Variants in EDC3 observed in about 807,000 individuals in gnomAD.
EDC3 encodes the protein enhancer of mRNA decapping 3, also known as enhancer of mRNA-decapping protein 3.
EDC3 carries 20 observed loss-of-function variants against 41.8 expected under a neutral mutation model. The observed-to-expected ratio is 0.48, with a 90% CI of 0.34 to 0.70. EDC3 has a LOEUF of 0.70. Among genes scored for constraint, EDC3 ranks in the 30% least tolerant of loss-of-function variants. EDC3 has a pLI of 0.01. For synonymous variants in EDC3, 206 were observed against 243.2 expected, an observed-to-expected ratio of 0.85 and a Z score of 1.42; for missense variants, 444 against 636.8, an observed-to-expected ratio of 0.70 and a Z score of 3.26.
At chr15:74,641,904 C>T (rs2062356675) in intron 4 of EDC3, 1 of 152,640 alleles carries the variant, frequency 6.6e-6, no homozygotes, top group Non-Finnish European at 1.5e-5. Context: ...TCTGGTCTGG[C>T]CTAACTCTAA....
Position 74,630,583 on chromosome 15 carries a change from AGT to A in EDC3, c.*2027_*2028del, listed in dbSNP as rs1265692404. 1 of 152,234 alleles carries A rather than the reference AGT, an allele frequency of 6.6e-6. No individual in the cohort carries two copies. Among genetic ancestry groups the A allele is most frequent in the Non-Finnish European group, 1.5e-5 (1 of 68,072 alleles). The allele number at this position is 152,234 out of a possible 1,614,324, so 9.4% of individuals were successfully genotyped here. A position where few individuals can be genotyped will look rare whatever the true frequency, so the allele number is the denominator to read the frequency against. On this transcript the variant is annotated 3_prime_UTR_variant, in exon 7 of 7. Coordinates refer to ENST00000315127, the MANE Select transcript of EDC3 (RefSeq NM_025083.5). Reference sequence around the variant, plus strand: ...TCAGTCAGTCATTCAGCTTTATTTCAGTGCTGGTTTTTGGTTCCCTAAGAGCT... The same window carrying A: ...TCAGTCAGTCATTCAGCTTTATTTCAGCTGGTTTTTGGTTCCCTAAGAGCT...
In EDC3 at chr15:74,648,672, C is replaced by T. The variant is rs189243203; in HGVS notation, c.820+7061G>A. ...AAGGAAATAAATAGGAACTCTAGTT[C>T]GGGTCATCCTCACACACTTCCTGTT... On this transcript the variant is annotated intron_variant, in intron 4 of 6. Transcript: ENST00000315127. Among the ~76,000 whole-genome samples, 4 of 152,286 alleles carry T rather than the reference C, an allele frequency of 2.6e-5. No homozygotes were observed. The East Asian group carries it at 5.8e-4, about 22-fold the overall frequency.
At position 74,640,446 on chromosome 15, in the gene EDC3, G is replaced by A. The variant is rs2062335551; in HGVS notation, c.974+20C>T. 6.2e-7 allele frequency: 1 copy of A among 1,612,344 alleles called. No individual in the cohort carries two copies. Among genetic ancestry groups the A allele is most frequent in the Admixed American group, 1.7e-5 (1 of 59,800 alleles). ...CATCCTTACTCCACATTGAGTCCCTGCCAGTTTATAGACATTTACCTGTTA... is the reference window on the plus strand; with the variant it reads ...CATCCTTACTCCACATTGAGTCCCTACCAGTTTATAGACATTTACCTGTTA... On this transcript the variant is annotated intron_variant, in intron 5 of 6. Transcript: ENST00000315127.
intron 4 of EDC3, chr15:74,643,661 T>G (rs557528433): frequency 2.5e-4 from 38 of 152,448 alleles, no homozygotes; most frequent in African/African-American, 8.7e-4. Context: ...CCCTCCCTTA[T>G]GGACACATAT....
At chr15:74,656,354 A>C (rs1229817562) in intron 3 of EDC3, among the ~76,000 whole-genome samples, 1 of 151,510 alleles carries the variant, frequency 6.6e-6, no homozygotes, top group Non-Finnish European at 1.5e-5. Context: ...GCAGTGAGTG[A>C]TGATCACGAC....
At chr15:74,658,922 G>A (rs1375906585) in intron 3 of EDC3, among the ~76,000 whole-genome samples, 4 of 151,930 alleles carry the variant, frequency 2.6e-5, no homozygotes, top group Non-Finnish European at 5.9e-5. Context: ...CTGGGTGACA[G>A]AGTGAGACTC....
At chr15:74,635,157 G>A (rs2062255772) in intron 6 of EDC3, 1 of 678,212 alleles carries the variant, frequency 1.5e-6, no homozygotes, top group Admixed American at 2.0e-5. Flanking sequence ...CCTAGCATCA[G>A]GAAGAGTGCC....
chr15:74,671,722 T>C lies in EDC3; in HGVS notation c.217A>G (p.Asn73Asp). Reference protein sequence around the residue: ...KILEIPGPGDNQHFGDLHQTE... With the variant: ...KILEIPGPGDDQHFGDLHQTE... ...TGATGAAGGTCTCCAAAATGTTGGT[T>C]GTCTCCAGGTCCTGGTATCTCCAGA... is the stretch of plus-strand genomic sequence containing the variant. The change falls in exon 3 of 7, where the codon AAC becomes GAC. Residue 73 changes from asparagine (N) to aspartate (D), a missense_variant. This residue lies in a region of EDC3 where 200 missense variants were observed against 244.0 expected (regional missense o/e 0.82). Coordinates refer to ENST00000315127, the MANE Select transcript of EDC3 (RefSeq NM_025083.5). The surrounding 1 kb of genome is among the most constrained non-coding windows in gnomAD (Gnocchi z 4.6). 1.2e-6 allele frequency: 2 copies of C among 1,614,206 alleles called. No individual in the cohort carries two copies. The highest frequency in any genetic ancestry group is 1.1e-5 in the South Asian group (1 of 91,088).
chr15:74,655,139 A>G (rs2062530363), intron 4 of EDC3, among the ~76,000 whole-genome samples: 1 of 152,264 alleles, frequency 6.6e-6, no homozygotes, highest in Admixed American at 6.5e-5. Context: ...TAATGCTAAA[A>G]AAAGAAACAA....
At chr15:74,673,621 G>C (rs745666439) in intron 2 of EDC3, among the ~76,000 whole-genome samples, 2 of 152,096 alleles carry the variant, frequency 1.3e-5, no homozygotes, top group Non-Finnish European at 2.9e-5. Context: ...CAGATTACAA[G>C]GTCAGGAGAT....
In EDC3 at chr15:74,632,521, C is replaced by T. The variant is rs925775571; in HGVS notation, c.*91G>A. ...AGAAACAAACCCAAAAGAGAAAAAA[C>T]TTTAACAAGGTCCATGAAGCTTCAT... On this transcript the variant is annotated 3_prime_UTR_variant, in exon 7 of 7. Transcript: ENST00000315127. The surrounding 1 kb of genome is among the most constrained non-coding windows in gnomAD (Gnocchi z 4.0). The T allele has an allele frequency of 6.9e-7, 1 of 1,445,930 alleles. No individual in the cohort carries two copies. The highest frequency in any genetic ancestry group is 9.3e-7 in the Non-Finnish European group (1 of 1,070,862). 89.6% of individuals were successfully genotyped at this position (1,445,930 alleles called of 1,614,324 possible). A position where few individuals can be genotyped will look rare whatever the true frequency, so the allele number is the denominator to read the frequency against.
chr15:74,676,058 C>T (rs1359688077), intron 1 of EDC3, among the ~76,000 whole-genome samples: 2 of 152,060 alleles, frequency 1.3e-5, no homozygotes, highest in Non-Finnish European at 2.9e-5. Flanking sequence ...AATATATTCT[C>T]TACCCACAAC....
intron 3 of EDC3, among the ~76,000 whole-genome samples, chr15:74,667,051 C>T (rs924383352): frequency 2.0e-5 from 3 of 151,884 alleles, no homozygotes; most frequent in Non-Finnish European, 2.9e-5. Context: ...ACAGGAATGG[C>T]GATACAAGTT....
intron 1 of EDC3, among the ~76,000 whole-genome samples, chr15:74,689,686 G>A (rs912369122): frequency 1.3e-5 from 2 of 152,084 alleles, no homozygotes; most frequent in South Asian, 2.1e-4. Flanking sequence ...CACCGCGCCC[G>A]GCTAATTTTT....
At chr15:74,667,646 T>C (rs566096160) in intron 3 of EDC3, among the ~76,000 whole-genome samples, 150 of 151,448 alleles carry the variant, frequency 9.9e-4, no homozygotes, top group African/African-American at 3.4e-3. Flanking sequence ...AAGTGAAAGA[T>C]TGGAGACTAG....
chr15:74,655,281 T>C (rs1293515747), intron 4 of EDC3, among the ~76,000 whole-genome samples: 2 of 152,222 alleles, frequency 1.3e-5, no homozygotes, highest in East Asian at 3.8e-4. Context: ...TAAAGAAATG[T>C]AATTTATTAA....
At chr15:74,683,010 G>A (rs147971230) in intron 1 of EDC3, among the ~76,000 whole-genome samples, 3,554 of 151,988 alleles carry the variant, frequency 0.023, 141 homozygotes, top group African/African-American at 0.081. Context: ...CAACAAGAGC[G>A]AAACTCTGTC....
At chr15:74,642,537 G>C (rs375921398) in intron 4 of EDC3, 12 of 152,354 alleles carry the variant, frequency 7.9e-5, no homozygotes, top group African/African-American at 2.9e-4. Flanking sequence ...AAACCTGTCA[G>C]ACAAGTCATG....
chr15:74,683,907 T>C (rs960063681), intron 1 of EDC3, among the ~76,000 whole-genome samples: 5 of 152,132 alleles, frequency 3.3e-5, no homozygotes, highest in Non-Finnish European at 4.4e-5. Flanking sequence ...AATGGTGAAA[T>C]AGGCCAGGCA....
Sources: allele counts gnomAD v4.1 joint callset (sites outside exome capture counted in the v4.1 genomes callset), GRCh38; gene constraint gnomAD v4.1.1; regional missense constraint gnomAD v4.1.1; non-coding constraint Gnocchi (gnomAD v3.1); transcripts MANE v1.5; gene names NCBI Gene and HGNC (gene_info 2026-07-23, HGNC 2026-07-21).